Variants in RBM6 observed in about 807,000 individuals in gnomAD.
RBM6 encodes the protein RNA-binding protein 6.
Under a neutral mutation model 140.4 loss-of-function variants are expected in RBM6, and 23 were observed. That is an observed-to-expected ratio of 0.16 (90% CI 0.12 to 0.23). The LOEUF is 0.23. Ranked by LOEUF, RBM6 falls within the 10% of genes least tolerant of loss-of-function variation. The probability of loss-of-function intolerance (pLI) is 1.00; values close to 1 mark genes in which losing one functional copy is unlikely to be tolerated. For synonymous variants in RBM6, 439 were observed against 475.6 expected, an observed-to-expected ratio of 0.92 and a Z score of 1.00; for missense variants, 1,139 against 1,386.7, an observed-to-expected ratio of 0.82 and a Z score of 2.84.
intron 5 of RBM6, among the ~76,000 whole-genome samples, chr3:49,993,633 C>G (rs1402945746): frequency 2.6e-5 from 4 of 151,242 alleles, no homozygotes; most frequent in Non-Finnish European, 4.4e-5. Flanking sequence ...CAGAGTGAGA[C>G]TCTGTCTCAA....
intron 1 of RBM6, chr3:49,940,432 C>T (rs2083233200): frequency 6.5e-6 from 1 of 153,692 alleles, no homozygotes; most frequent in Non-Finnish European, 1.5e-5. Context: ...CCGGAACCGT[C>T]GCGGGCCTGG....
chr3:49,987,081 A>T (rs895364935), intron 5 of RBM6, among the ~76,000 whole-genome samples: 1 of 149,704 alleles, frequency 6.7e-6, no homozygotes, highest in Admixed American at 6.7e-5. Context: ...TTATTTTATT[A>T]TTTTTTTTTG....
intron 6 of RBM6, among the ~76,000 whole-genome samples, chr3:50,041,492 ACATAT>A (rs2088916375): frequency 6.6e-6 from 1 of 152,200 alleles, no homozygotes; most frequent in Non-Finnish European, 1.5e-5. Context: ...TTGAACTATA[ACATAT>A]CCTTGTACCA....
At chr3:50,047,973 C>G (rs2089296618) in intron 6 of RBM6, among the ~76,000 whole-genome samples, 1 of 152,170 alleles carries the variant, frequency 6.6e-6, no homozygotes, top group African/African-American at 2.4e-5. Flanking sequence ...GTAGACTGGG[C>G]ATAGCCTGCC....
rs1463041069 is a variant in RBM6, at chr3:49,975,367, C to T, written c.1458C>T (p.Asn486=). The T allele has an allele frequency of 6.2e-7, 1 of 1,613,850 alleles. No homozygotes were observed. Among genetic ancestry groups the T allele is most frequent in the East Asian group, 2.2e-5 (1 of 44,874 alleles). ...FRTPDGMPVK[N]LQLKEYNTGY... ...CTCCTGATGGCATGCCTGTAAAGAA[C>T]TTGCAGTTGAAGGAGTATAACACAG... The change falls in exon 5 of 21, where the codon AAC becomes AAT. Residue 486 remains asparagine, a synonymous_variant. Transcript: ENST00000266022.
rs1214524694 is a variant in RBM6, at chr3:49,972,098, A to G, written c.1363A>G (p.Ser455Gly). Residue 455 changes from serine (S) to glycine (G), a missense_variant, in exon 4 of 21, where the codon AGC becomes GGC. By Grantham distance (56) the Ser-to-Gly change is moderately conservative (BLOSUM62 0). Coordinates refer to ENST00000266022, the MANE Select transcript of RBM6 (RefSeq NM_005777.3). ...YRTGPSEEKP[S>G]RLIRLSGVPE... is the part of the protein sequence containing the mutation. ...GACCGGCCCAAGTGAGGAGAAACCC[A>G]GCAGGCTTATTCGATTAAGTGGGGT... The G allele has an allele frequency of 5.0e-6, 8 of 1,613,582 alleles. No homozygotes were observed. The highest frequency in any genetic ancestry group is 6.8e-6 in the Non-Finnish European group (8 of 1,179,656).
chr3:49,987,379 G>T (rs184964363), intron 5 of RBM6, among the ~76,000 whole-genome samples: 233 of 151,720 alleles, frequency 1.5e-3, no homozygotes, highest in Non-Finnish European at 3.0e-3. Context: ...GCAGTGACAT[G>T]ATCTTGGCTC....
intron 6 of RBM6, among the ~76,000 whole-genome samples, chr3:50,028,889 C>G (rs1247331832): frequency 6.6e-6 from 1 of 151,940 alleles, no homozygotes; most frequent in Non-Finnish European, 1.5e-5. Flanking sequence ...TGGTCTTGAC[C>G]CCCCCAACCC....
chr3:50,021,964 C>T (rs956343543), intron 6 of RBM6, among the ~76,000 whole-genome samples: 7 of 151,092 alleles, frequency 4.6e-5, no homozygotes, highest in Non-Finnish European at 1.0e-4. Flanking sequence ...GTAGGAGAAT[C>T]GCTTGAGCCC....
chr3:49,942,813 G>T (rs1003934222), intron 1 of RBM6, among the ~76,000 whole-genome samples: 2 of 151,762 alleles, frequency 1.3e-5, no homozygotes, highest in Non-Finnish European at 1.5e-5. Context: ...GTGAGCTGAG[G>T]TCATGCCATT....
At chr3:50,059,113 G>A (rs894756780) in intron 10 of RBM6, among the ~76,000 whole-genome samples, 6 of 151,940 alleles carry the variant, frequency 3.9e-5, no homozygotes, top group African/African-American at 1.2e-4. Flanking sequence ...CAACTTACTC[G>A]CTTGTGAAGA....
intron 5 of RBM6, among the ~76,000 whole-genome samples, chr3:49,988,349 G>C (rs1316926312): frequency 6.6e-6 from 1 of 151,874 alleles, no homozygotes; most frequent in Middle Eastern, 3.2e-3. Flanking sequence ...TCACTGTCTT[G>C]CCCAGGCAGG....
chr3:49,981,731 TTATATA>T (rs1490937500), intron 5 of RBM6: 2 of 152,182 alleles, frequency 1.3e-5, no homozygotes, highest in African/African-American at 4.8e-5. Flanking sequence ...TTTTTTCTGT[TTATATA>T]TAGTATACTT....
chr3:50,048,352 A>G lies in RBM6; in HGVS notation c.1632+33A>G, dbSNP rs1244265144. On this transcript the variant is annotated intron_variant, in intron 7 of 20. Transcript: ENST00000266022. Reference sequence around the variant, plus strand: ...CCAAGAATCCCTTTCTTTAGAAGTAAGTATCTGGAATAACAGCTCCTCCAT... The same window carrying G: ...CCAAGAATCCCTTTCTTTAGAAGTAGGTATCTGGAATAACAGCTCCTCCAT... The G allele has an allele frequency of 2.5e-6, 4 of 1,600,108 alleles. No individual in the cohort carries two copies. The South Asian group carries it at 4.5e-5, about 18-fold the overall frequency.
At chr3:50,012,847 AT>A (rs2086922824) in intron 6 of RBM6, among the ~76,000 whole-genome samples, 1 of 149,894 alleles carries the variant, frequency 6.7e-6, no homozygotes, top group Admixed American at 6.7e-5. Context: ...GGTTCAAGCA[AT>A]TCTCCTGCCT....
intron 6 of RBM6, among the ~76,000 whole-genome samples, chr3:50,007,936 T>C (rs750794191): frequency 1.3e-4 from 20 of 152,172 alleles, no homozygotes; most frequent in Non-Finnish European, 2.2e-4. Flanking sequence ...TTTAAAACCG[T>C]AAGTTCTAAA....
chr3:50,008,608 C>T (rs1193449156), intron 6 of RBM6, among the ~76,000 whole-genome samples: 1 of 124,250 alleles, frequency 8.0e-6, no homozygotes, highest in Non-Finnish European at 1.6e-5. Flanking sequence ...AGCTGGAGTG[C>T]AGTGGTGTGA....
intron 1 of RBM6, among the ~76,000 whole-genome samples, chr3:49,945,176 A>ATTTTTTTTTT (rs34249907): frequency 8.2e-6 from 1 of 122,120 alleles, no homozygotes; most frequent in African/African-American, 3.2e-5. Context: ...CGCCCGGCCA[A>ATTTTTTTTTT]TTTTTTTTTT....
In RBM6 at chr3:50,014,605, C is replaced by T. The variant is rs368543833; in HGVS notation, c.1557+15092C>T. On this transcript the variant is annotated intron_variant, in intron 6 of 20. Transcript: ENST00000266022. ...TGGATCATCTTTTCATTAGGCTTTA[C>T]TTCACAGGGCCATCTACTGGATCCT... 1.2e-4 allele frequency among the ~76,000 whole-genome samples: 18 copies of T among 152,290 alleles called. No individual in the cohort carries two copies. In the East Asian group the frequency reaches 2.3e-3, roughly 20 times the overall value.
Sources: allele counts gnomAD v4.1 joint callset (sites outside exome capture counted in the v4.1 genomes callset), GRCh38; gene constraint gnomAD v4.1.1; transcripts MANE v1.5; gene names NCBI Gene and HGNC (gene_info 2026-07-23, HGNC 2026-07-21).